ROBO2: variants seen among roughly 807,000 people sequenced by gnomAD.
ROBO2 encodes the protein roundabout guidance receptor 2.
ROBO2 carries 53 observed loss-of-function variants against 160.8 expected under a neutral mutation model. The observed-to-expected ratio is 0.33, with a 90% confidence interval of 0.26 to 0.41. The LOEUF (loss-of-function observed/expected upper bound fraction) is 0.41. ROBO2 is among the 10% of genes least tolerant of loss of function. ROBO2 has a pLI of 1.00. For synonymous variants in ROBO2, 664 were observed against 611.7 expected, an observed-to-expected ratio of 1.09 and a Z score of -1.26; for missense variants, 1,577 against 1,722.4, an observed-to-expected ratio of 0.92 and a Z score of 1.49.
At chr3:77,276,004 G>C (rs17015121) in intron 2 of ROBO2, among the ~76,000 whole-genome samples, 1 of 152,044 alleles carries the variant, frequency 6.6e-6, no homozygotes, top group Non-Finnish European at 1.5e-5. Flanking sequence ...ATGAAAGTAT[G>C]CTATGAGTTT....
chr3:77,182,606 C>T (rs1487417036), intron 2 of ROBO2, among the ~76,000 whole-genome samples: 5 of 152,046 alleles, frequency 3.3e-5, no homozygotes, highest in Admixed American at 2.6e-4. Context: ...GCCAACCTAT[C>T]GATCAACTGA....
chr3:77,411,397 T>C (rs2076790479), intron 2 of ROBO2, among the ~76,000 whole-genome samples: 1 of 152,176 alleles, frequency 6.6e-6, no homozygotes, highest in Non-Finnish European at 1.5e-5. Flanking sequence ...CAGATAAATT[T>C]GTGTATGTGA....
intron 2 of ROBO2, among the ~76,000 whole-genome samples, chr3:77,161,680 G>A (rs2078499736): frequency 6.6e-6 from 1 of 151,890 alleles, no homozygotes; most frequent in Admixed American, 6.6e-5. Flanking sequence ...AATTCAGTTT[G>A]AAAATCAGTA....
chr3:77,454,084 A>G (rs1243675715), intron 2 of ROBO2, among the ~76,000 whole-genome samples: 1 of 151,548 alleles, frequency 6.6e-6, no homozygotes, highest in East Asian at 1.9e-4. Flanking sequence ...GCCTTCTTCA[A>G]GATTAGCATC....
chr3:77,407,497 C>G (rs748065605), intron 2 of ROBO2, among the ~76,000 whole-genome samples: 5 of 152,138 alleles, frequency 3.3e-5, no homozygotes, highest in Non-Finnish European at 7.4e-5. Context: ...ATCATTTGAT[C>G]TTTTGGAGGA....
chr3:77,460,778 G>A (rs1303926584), intron 2 of ROBO2, among the ~76,000 whole-genome samples: 1 of 152,024 alleles, frequency 6.6e-6, no homozygotes. Context: ...TATAGATAAG[G>A]TGCAATGGGA....
intron 2 of ROBO2, among the ~76,000 whole-genome samples, chr3:77,439,572 C>A (rs1048394327): frequency 2.6e-5 from 4 of 151,990 alleles, no homozygotes; most frequent in Non-Finnish European, 4.4e-5. Flanking sequence ...CAGAACAGAC[C>A]AAGATCCACC....
At chr3:77,479,115 A>G (rs2153586899) in intron 3 of ROBO2, among the ~76,000 whole-genome samples, 1 of 152,290 alleles carries the variant, frequency 6.6e-6, no homozygotes, top group South Asian at 2.1e-4. Context: ...TTCAGAGAAG[A>G]TAAGTGGGCC....
intron 2 of ROBO2, among the ~76,000 whole-genome samples, chr3:77,020,402 C>A (rs1485017166): frequency 6.6e-6 from 1 of 152,096 alleles, no homozygotes; most frequent in Non-Finnish European, 1.5e-5. Context: ...TTTTGCAATG[C>A]ATGTTAGAAA....
chr3:77,643,616 A>G (rs886614456), intron 24 of ROBO2, among the ~76,000 whole-genome samples: 12 of 152,094 alleles, frequency 7.9e-5, no homozygotes, highest in Admixed American at 1.3e-4. Context: ...TTATAAACGC[A>G]TTTTCTGAGA....
intron 2 of ROBO2, among the ~76,000 whole-genome samples, chr3:76,347,753 T>G (rs1035222085): frequency 6.6e-6 from 1 of 152,038 alleles, no homozygotes; most frequent in Non-Finnish European, 1.5e-5. Context: ...GAAATGGGTC[T>G]TTGATTGTGA....
intron 1 of ROBO2, among the ~76,000 whole-genome samples, chr3:77,075,489 A>G (rs2067871637): frequency 6.6e-6 from 1 of 152,070 alleles, no homozygotes; most frequent in South Asian, 2.1e-4. Context: ...AGGTGCTCCT[A>G]GTAATCACTA....
chr3:77,081,355 A>G (rs2068636317), intron 1 of ROBO2, among the ~76,000 whole-genome samples: 1 of 152,214 alleles, frequency 6.6e-6, no homozygotes, highest in African/African-American at 2.4e-5. Flanking sequence ...ATCCAAAGGA[A>G]CTGAGCCAGT....
At chr3:76,206,016 CAAAG>C (rs1282275334) in intron 2 of ROBO2, among the ~76,000 whole-genome samples, 2 of 152,116 alleles carry the variant, frequency 1.3e-5, no homozygotes, top group Non-Finnish European at 2.9e-5. Context: ...AATGTCAAAA[CAAAG>C]AGAGAGAGGT....
chr3:77,114,791 T>C (rs1446507300), intron 2 of ROBO2, among the ~76,000 whole-genome samples: 1 of 152,206 alleles, frequency 6.6e-6, no homozygotes, highest in Non-Finnish European at 1.5e-5. Context: ...ATTTTTTTAC[T>C]CATATATTTG....
At chr3:76,951,409 A>G (rs958438092) in intron 2 of ROBO2, among the ~76,000 whole-genome samples, 3 of 152,166 alleles carry the variant, frequency 2.0e-5, no homozygotes, top group Non-Finnish European at 4.4e-5. Flanking sequence ...GCTTCATTCA[A>G]CACTATCTTG....
chr3:76,078,817 G>A (rs2068725823), intron 2 of ROBO2, among the ~76,000 whole-genome samples: 2 of 152,060 alleles, frequency 1.3e-5, no homozygotes, highest in Non-Finnish European at 2.9e-5. Flanking sequence ...TTTTTTGAGG[G>A]ACCTCCATGG....
chr3:77,232,646 A>G (rs974233581), intron 2 of ROBO2, among the ~76,000 whole-genome samples: 2 of 152,154 alleles, frequency 1.3e-5, no homozygotes, highest in Non-Finnish European at 2.9e-5. Flanking sequence ...CTGTGCAGAA[A>G]GGGATGGTAA....
intron 2 of ROBO2, among the ~76,000 whole-genome samples, chr3:77,198,378 A>G (rs759750098): frequency 5.9e-5 from 9 of 152,186 alleles, no homozygotes; most frequent in Admixed American, 2.0e-4. Context: ...TTTAGACAGC[A>G]AAAACCACCT....
Sources: gnomAD v4.1 joint callset for allele counts (sites outside exome capture counted in the v4.1 genomes callset) on GRCh38, gnomAD v4.1.1 for gene constraint, MANE v1.5 for transcripts, NCBI Gene and HGNC (gene_info 2026-07-23, HGNC 2026-07-21) for gene names.